The following APMAP variants were observed in gnomAD, a reference collection of about 807,000 sequenced individuals.
APMAP encodes adipocyte plasma membrane-associated protein.
A neutral mutation model predicts 43.6 loss-of-function variants in APMAP; 33 were observed. The ratio of observed to expected loss-of-function variants is 0.76; its 90% confidence interval spans 0.57 to 1.01. APMAP has a LOEUF of 1.01. APMAP is among the 50% of genes least tolerant of loss of function. APMAP has a pLI of 0.00. For missense variants in APMAP, 498 were observed against 540.7 expected (o/e 0.92, Z 0.78); for synonymous variants, 224 against 216.7 (o/e 1.03, Z -0.30).
intron 8 of APMAP, chr20:24,964,396 T>C (rs2087926418): frequency 2.0e-6 from 1 of 496,424 alleles, no homozygotes; most frequent in African/African-American, 2.0e-5. Flanking sequence ...CAGCGCAGCT[T>C]CCCTGGAATA....
At chr20:24,986,867 G>A (rs1056223212) in intron 1 of APMAP, among the ~76,000 whole-genome samples, 1 of 152,226 alleles carries the variant, frequency 6.6e-6, no homozygotes, top group African/African-American at 2.4e-5. Context: ...AAGAGCAAGA[G>A]GAGGGAGTGG....
chr20:24,978,893 A>T lies in APMAP; in HGVS notation c.213-11T>A. The T allele has an allele frequency of 4.4e-6, 7 of 1,592,968 alleles. No individual in the cohort carries two copies. The highest frequency in any genetic ancestry group is 5.2e-6 in the Non-Finnish European group (6 of 1,160,864). On this transcript the variant is annotated splice_polypyrimidine_tract_variant and intron_variant, in intron 2 of 8. Coordinates refer to ENST00000217456, the MANE Select transcript of APMAP (RefSeq NM_020531.3). Reference sequence around the variant, plus strand: ...GGGGGTTCTTTGAAGCTGCAAAATAATGCAATTCCAGAGATCTGTCTATAA... The same window carrying T: ...GGGGGTTCTTTGAAGCTGCAAAATATTGCAATTCCAGAGATCTGTCTATAA...
chr20:24,965,132 C>T (rs1288634504), intron 8 of APMAP, among the ~76,000 whole-genome samples: 1 of 152,246 alleles, frequency 6.6e-6, no homozygotes, highest in African/African-American at 2.4e-5. Context: ...CCTGGCCTTT[C>T]TAATAGCACT....
chr20:24,992,115 A>AG (rs1485798236), intron 1 of APMAP, among the ~76,000 whole-genome samples: 1 of 152,246 alleles, frequency 6.6e-6, no homozygotes, highest in Non-Finnish European at 1.5e-5. Flanking sequence ...ATAACGAGGC[A>AG]GGACCCCAGC....
At chr20:24,965,060 G>A (rs540258770) in intron 8 of APMAP, among the ~76,000 whole-genome samples, 3 of 152,274 alleles carry the variant, frequency 2.0e-5, no homozygotes, top group African/African-American at 7.2e-5. Flanking sequence ...TTCCCAGAAA[G>A]CTCTCAAATC....
chr20:24,981,366 C>G (rs1402769817), intron 2 of APMAP, among the ~76,000 whole-genome samples: 1 of 152,226 alleles, frequency 6.6e-6, no homozygotes, highest in East Asian at 1.9e-4. Flanking sequence ...AAAGCCTGCA[C>G]TAATGCAGTA....
At chr20:24,992,200 T>C (rs2088199042) in intron 1 of APMAP, among the ~76,000 whole-genome samples, 1 of 152,082 alleles carries the variant, frequency 6.6e-6, no homozygotes, top group Non-Finnish European at 1.5e-5. Context: ...GCCAAGTAGC[T>C]GTGCTCAGGG....
Position 24,983,920 on chromosome 20 carries a change from T to C in APMAP, c.195A>G (p.Ile65Met), listed in dbSNP as rs149342642. 6.7e-4 allele frequency: 1,073 copies of C among 1,612,410 alleles called. 10 individuals carry two copies. In the East Asian group the frequency reaches 0.02, roughly 30 times the overall value. Residue 65 changes from isoleucine (I) to methionine (M), a missense_variant, in exon 2 of 9, where the codon ATA (isoleucine) becomes ATG (methionine). Ile to Met is a conservative substitution (Grantham distance 10, BLOSUM62 1). Transcript: ENST00000217456. Reference protein sequence around the residue: ...LGAMMLLESPIDPQPLSFKEP... With the variant: ...LGAMMLLESPMDPQPLSFKEP... The stretch of plus-strand genomic sequence containing the variant: ...CAGCCTACCTGAGAGGCTGTGGATC[T>C]ATAGGAGATTCCAGCAGCATCATGG...
At chr20:24,976,963 A>C (rs1487581195) in intron 3 of APMAP, among the ~76,000 whole-genome samples, 1 of 152,280 alleles carries the variant, frequency 6.6e-6, no homozygotes, top group South Asian at 2.1e-4. Flanking sequence ...CCAGCTACAT[A>C]ACATTCTGGA....
chr20:24,982,924 T>G (rs2088117903), intron 2 of APMAP, among the ~76,000 whole-genome samples: 1 of 142,122 alleles, frequency 7.0e-6, no homozygotes, highest in African/African-American at 2.6e-5. Context: ...GAAGACCCAC[T>G]GGCACACCAG....
rs1242403282 is a variant in APMAP at position 24,963,644 on chromosome 20, C to T, written c.*169G>A. 2.9e-6 allele frequency: 2 copies of T among 682,982 alleles called. No individual in the cohort carries two copies. Among genetic ancestry groups the T allele is most frequent in the Non-Finnish European group, 5.0e-6 (2 of 403,556 alleles). The allele number at this position is 682,982 out of a possible 1,614,324, so 42.3% of individuals were successfully genotyped here. A position where few individuals can be genotyped will look rare whatever the true frequency, so the allele number is the denominator to read the frequency against. ...AACAGAAAGACAAGCCCAGGTGGGG[C>T]CCGGGCATCCTCGAGGAATGAAGCA... On this transcript the variant is annotated 3_prime_UTR_variant, in exon 9 of 9. Transcript: ENST00000217456.
chr20:24,989,738 A>T (rs1232767215), intron 1 of APMAP, among the ~76,000 whole-genome samples: 2 of 152,182 alleles, frequency 1.3e-5, no homozygotes, highest in Admixed American at 6.5e-5. Context: ...AAAATTAAGA[A>T]ATCAAGAAAC....
intron 2 of APMAP, among the ~76,000 whole-genome samples, chr20:24,980,713 C>T (rs2088096625): frequency 6.6e-6 from 1 of 152,004 alleles, no homozygotes; most frequent in African/African-American, 2.4e-5. Flanking sequence ...AGCGTGGCGT[C>T]ACCATGGTCA....
chr20:24,969,120 C>A (rs1288771130), intron 7 of APMAP, 36 bp from the exon 8 acceptor site: 3 of 1,528,094 alleles, frequency 2.0e-6, no homozygotes, highest in South Asian at 2.5e-5. Context: ...TGAACCATAG[C>A]CCCTCAATTT....
At chr20:24,969,494 G>T (rs1264180905) in intron 7 of APMAP, 32 bp downstream of exon 7, 1 of 1,588,668 alleles carries the variant, frequency 6.3e-7, no homozygotes, top group Admixed American at 1.7e-5. Context: ...GCTCTGGCCA[G>T]TAACTGATGG....
intron 1 of APMAP, among the ~76,000 whole-genome samples, chr20:24,989,860 C>T (rs1464589856): frequency 1.3e-5 from 2 of 152,218 alleles, no homozygotes; most frequent in Non-Finnish European, 1.5e-5. Context: ...TCCATACTTC[C>T]TCCCTTACTC....
At chr20:24,975,465 T>G (rs909203296) in intron 3 of APMAP, among the ~76,000 whole-genome samples, 1 of 152,178 alleles carries the variant, frequency 6.6e-6, no homozygotes, top group East Asian at 1.9e-4. Context: ...ATAAATATAA[T>G]ATAATATACA....
At chr20:24,971,772 C>G (rs1013716291) in intron 4 of APMAP, among the ~76,000 whole-genome samples, 196 bp from the exon 5 acceptor site, 1 of 152,022 alleles carries the variant, frequency 6.6e-6, no homozygotes, top group Non-Finnish European at 1.5e-5. Context: ...TTGTGGGGTG[C>G]TCACTGCAGG....
intron 4 of APMAP, 148 bp from the exon 5 acceptor site, chr20:24,971,724 G>T (rs1248203962): frequency 6.8e-6 from 5 of 736,122 alleles, no homozygotes; most frequent in Admixed American, 4.5e-5. Context: ...CAACTGCCCT[G>T]CAGGTGCTCA....
Sources: allele counts gnomAD v4.1 joint callset (sites outside exome capture counted in the v4.1 genomes callset), GRCh38; gene constraint gnomAD v4.1.1; transcripts MANE v1.5; gene names NCBI Gene and HGNC (gene_info 2026-07-23, HGNC 2026-07-21).